BCAR3: variants seen among roughly 807,000 people sequenced by gnomAD.
BCAR3 encodes breast cancer anti-estrogen resistance protein 3.
In BCAR3, 37 loss-of-function variants were observed where a neutral mutation model predicts 80.1. The observed-to-expected ratio is 0.46, with a 90% CI of 0.36 to 0.61. The LOEUF is 0.61. Ranked by LOEUF, BCAR3 falls within the 20% of genes least tolerant of loss-of-function variation. The pLI, the probability that BCAR3 is intolerant of heterozygous loss-of-function variation, is 0.00. For synonymous variants in BCAR3, 389 were observed against 418.9 expected, an observed-to-expected ratio of 0.93 and a Z score of 0.87; for missense variants, 978 against 1,068.2, an observed-to-expected ratio of 0.92 and a Z score of 1.18.
intron 2 of BCAR3, among the ~76,000 whole-genome samples, chr1:93,660,879 T>A: frequency 6.6e-6 from 1 of 151,888 alleles, no homozygotes; most frequent in East Asian, 1.9e-4. Context: ...CATGCCTGGA[T>A]AATTTCTTTT....
intron 1 of BCAR3, among the ~76,000 whole-genome samples, chr1:93,676,519 A>G (rs1648496364): frequency 6.6e-6 from 1 of 152,208 alleles, no homozygotes; most frequent in South Asian, 2.1e-4. Flanking sequence ...AACTGGGACC[A>G]CACAGAAGGT....
chr1:93,575,253 T>C (rs892509714), intron 8 of BCAR3, among the ~76,000 whole-genome samples: 3 of 152,368 alleles, frequency 2.0e-5, no homozygotes, highest in East Asian at 1.9e-4. Flanking sequence ...CAGTCAGTAA[T>C]GGCAACTAGG....
At chr1:93,746,994 A>G (rs2071425064) in intron 2 of BCAR3, among the ~76,000 whole-genome samples, 1 of 151,964 alleles carries the variant, frequency 6.6e-6, no homozygotes, top group Admixed American at 6.6e-5. Flanking sequence ...CTGTCCCTTA[A>G]ATATTGGCTT....
intron 2 of BCAR3, among the ~76,000 whole-genome samples, chr1:93,643,463 T>C (rs1216810987): frequency 6.9e-6 from 1 of 145,616 alleles, no homozygotes; most frequent in Non-Finnish European, 1.5e-5. Context: ...GGAGAATTGC[T>C]TGAACCCAGG....
chr1:93,709,354 G>A (rs1354672199), intron 2 of BCAR3, among the ~76,000 whole-genome samples: 1 of 152,202 alleles, frequency 6.6e-6, no homozygotes, highest in Non-Finnish European at 1.5e-5. Flanking sequence ...CCAGCCTGCG[G>A]TCTGTTCAAA....
chr1:93,759,687 C>A (rs1185832128), intron 2 of BCAR3, among the ~76,000 whole-genome samples: 1 of 152,190 alleles, frequency 6.6e-6, no homozygotes, highest in Non-Finnish European at 1.5e-5. Flanking sequence ...AGAAGGAACA[C>A]ACCTGCCCTT....
chr1:93,829,023 G>A (rs1317731393), intron 2 of BCAR3, among the ~76,000 whole-genome samples: 3 of 152,156 alleles, frequency 2.0e-5, no homozygotes, highest in Non-Finnish European at 2.9e-5. Context: ...GGACACACAC[G>A]AGGAGTGGGT....
chr1:93,803,683 G>C (rs756780158), intron 2 of BCAR3, among the ~76,000 whole-genome samples: 3 of 152,118 alleles, frequency 2.0e-5, no homozygotes, highest in Non-Finnish European at 4.4e-5. Flanking sequence ...GTCCCAAAAG[G>C]TTAAAATAAC....
At chr1:93,728,318 C>A (rs2100679644) in intron 2 of BCAR3, among the ~76,000 whole-genome samples, 1 of 152,326 alleles carries the variant, frequency 6.6e-6, no homozygotes, top group African/African-American at 2.4e-5. Flanking sequence ...GGTCGTGGGG[C>A]TCCCACCCCA....
chr1:93,672,329 C>A (rs1435510487), intron 2 of BCAR3, among the ~76,000 whole-genome samples: 1 of 152,164 alleles, frequency 6.6e-6, no homozygotes, highest in African/African-American at 2.4e-5. Flanking sequence ...CCTCCCCACC[C>A]ACCCCCCTAG....
chr1:93,562,755 C>A (rs1044900254), intron 11 of BCAR3, among the ~76,000 whole-genome samples: 4 of 113,024 alleles, frequency 3.5e-5, no homozygotes, highest in Admixed American at 1.2e-4. Flanking sequence ...GGGTGACAAG[C>A]GAGACTCCAT....
intron 3 of BCAR3, among the ~76,000 whole-genome samples, chr1:93,697,903 A>T (rs1649476458): frequency 6.6e-6 from 1 of 152,194 alleles, no homozygotes; most frequent in Non-Finnish European, 1.5e-5. Flanking sequence ...GCTTGAACCC[A>T]GGAGGCAGAG....
chr1:93,814,784 C>T lies in BCAR3; in HGVS notation c.-63+30783G>A, dbSNP rs113217073. 7.2e-4 allele frequency among the ~76,000 whole-genome samples: 109 copies of T among 152,316 alleles called. 1 individual carries two copies. The highest frequency in any genetic ancestry group is 2.1e-3 in the African/African-American group (86 of 41,570). ...CCTGTGTGGCAGCCAGGAGAGGAGG[C>T]GCATACATCCCTTGACTCCCACAAA... On this transcript the variant is annotated intron_variant, in intron 2 of 13. Coordinates refer to the BCAR3 transcript ENST00000370244.
At chr1:93,598,739 G>A (rs148740910) in intron 3 of BCAR3, among the ~76,000 whole-genome samples, 61 of 152,276 alleles carry the variant, frequency 4.0e-4, no homozygotes, top group African/African-American at 1.3e-3. Context: ...TTTTCCCTGT[G>A]GAAAAATGAG....
intron 2 of BCAR3, among the ~76,000 whole-genome samples, chr1:93,798,902 T>C (rs1653377531): frequency 6.6e-6 from 1 of 152,132 alleles, no homozygotes; most frequent in Non-Finnish European, 1.5e-5. Context: ...TGAGGTAATC[T>C]CCTCAGTTGC....
At chr1:93,722,743 G>A (rs1276175673) in intron 2 of BCAR3, among the ~76,000 whole-genome samples, 2 of 152,078 alleles carry the variant, frequency 1.3e-5, no homozygotes, top group African/African-American at 2.4e-5. Context: ...GAAATCACCC[G>A]GAGGAATATG....
intron 2 of BCAR3, among the ~76,000 whole-genome samples, chr1:93,806,261 C>T (rs1653649338): frequency 6.6e-6 from 1 of 152,096 alleles, no homozygotes; most frequent in South Asian, 2.1e-4. Flanking sequence ...AACACAGGAG[C>T]CATACACAAA....
chr1:93,689,939 C>T (rs978833452), intron 3 of BCAR3, among the ~76,000 whole-genome samples: 1 of 152,158 alleles, frequency 6.6e-6, no homozygotes, highest in Admixed American at 6.5e-5. Flanking sequence ...GCAAAGTCAG[C>T]CTTCCAGGGG....
intron 1 of BCAR3, among the ~76,000 whole-genome samples, chr1:93,675,798 A>G (rs1648449670): frequency 6.6e-6 from 1 of 152,162 alleles, no homozygotes; most frequent in South Asian, 2.1e-4. Context: ...ATCTAGGACC[A>G]TGAGTAGAAG....
Sources: allele counts gnomAD v4.1 joint callset (sites outside exome capture counted in the v4.1 genomes callset), GRCh38; gene constraint gnomAD v4.1.1; transcripts MANE v1.5; gene names NCBI Gene and HGNC (gene_info 2026-07-23, HGNC 2026-07-21).